Variants in ZNF385D observed in about 807,000 individuals in gnomAD.
ZNF385D encodes the protein zinc finger protein 385D, also known as zinc finger protein 659.
Under a neutral mutation model 35.8 loss-of-function variants are expected in ZNF385D, and 15 were observed. The observed-to-expected ratio is 0.42, with a 90% CI of 0.28 to 0.64. The LOEUF is 0.64. Ranked by LOEUF, ZNF385D falls within the 30% of genes least tolerant of loss-of-function variation. The pLI is 0.23. For missense variants in ZNF385D, 474 were observed against 494.6 expected (o/e 0.96, Z 0.39); for synonymous variants, 212 against 186.8 (o/e 1.13, Z -1.10).
intron 3 of ZNF385D, among the ~76,000 whole-genome samples, chr3:21,759,210 G>A (rs1216127074): frequency 3.3e-5 from 5 of 151,968 alleles, no homozygotes; most frequent in East Asian, 3.9e-4. Context: ...TTATGAAGGG[G>A]TTCAGGCAAT....
At chr3:22,276,257 A>T (rs1167651525) in intron 2 of ZNF385D, among the ~76,000 whole-genome samples, 1 of 152,132 alleles carries the variant, frequency 6.6e-6, no homozygotes. Flanking sequence ...TCAGCAAAAA[A>T]GTTCAGAATA....
At chr3:22,267,793 T>G (rs1700970986) in intron 2 of ZNF385D, among the ~76,000 whole-genome samples, 1 of 151,952 alleles carries the variant, frequency 6.6e-6, no homozygotes. Flanking sequence ...CAAATCAAGC[T>G]CTCAGTAATT....
intron 2 of ZNF385D, among the ~76,000 whole-genome samples, chr3:22,365,806 G>T (rs116002420): frequency 0.011 from 1,651 of 152,132 alleles, 27 homozygotes; most frequent in African/African-American, 0.037. Context: ...GAACCCCATA[G>T]CATCCTCTGA....
chr3:21,635,412 C>G (rs947014881), intron 2 of ZNF385D, among the ~76,000 whole-genome samples: 2 of 151,828 alleles, frequency 1.3e-5, no homozygotes, highest in African/African-American at 4.8e-5. Flanking sequence ...CAATATTGTC[C>G]CCTTTATGTA....
chr3:21,519,157 T>C (rs937395003), intron 3 of ZNF385D, among the ~76,000 whole-genome samples: 3 of 152,160 alleles, frequency 2.0e-5, no homozygotes, highest in Non-Finnish European at 4.4e-5. Flanking sequence ...ACAGGATTAC[T>C]GTGATTCTCA....
intron 3 of ZNF385D, among the ~76,000 whole-genome samples, chr3:21,826,214 T>C (rs757225710): frequency 6.6e-6 from 1 of 152,180 alleles, no homozygotes; most frequent in African/African-American, 2.4e-5. Context: ...CACTATAGAC[T>C]AAACTGTTGA....
At chr3:21,796,715 C>T (rs73040933) in intron 3 of ZNF385D, among the ~76,000 whole-genome samples, 2,406 of 152,150 alleles carry the variant, frequency 0.016, 50 homozygotes, top group Non-Finnish European at 0.021. Flanking sequence ...TTGATGATGG[C>T]CATTTTGTTG....
rs191645664 is a variant in ZNF385D, at chr3:21,647,589, T to C, written c.165+17297A>G. Reference sequence around the variant, plus strand: ...TAATTATGTAATATTGATTGCACAGTTGAATCCCTAAAATAATGATTTCAT... The same window carrying C: ...TAATTATGTAATATTGATTGCACAGCTGAATCCCTAAAATAATGATTTCAT... On this transcript the variant is annotated intron_variant, in intron 2 of 7. Coordinates refer to ENST00000281523, the MANE Select transcript of ZNF385D (RefSeq NM_024697.3). Among the ~76,000 whole-genome samples the C allele has an allele frequency of 6.5e-3, 990 of 152,284 alleles. 7 individuals carry two copies. The highest frequency in any genetic ancestry group is 0.023 in the African/African-American group (951 of 41,568).
At chr3:22,164,241 T>TTTTTTTTTTTTTTTTTTTTTTG (rs1706163472) in intron 3 of ZNF385D, among the ~76,000 whole-genome samples, 1 of 82,264 alleles carries the variant, frequency 1.2e-5, no homozygotes, top group African/African-American at 7.9e-5. Context: ...TTTTTTTTTT[T>TTTTTTTTTTTTTTTTTTTTTTG]TTTTTTGAGA....
chr3:21,881,817 C>G (rs548942979), intron 3 of ZNF385D, among the ~76,000 whole-genome samples: 2 of 151,878 alleles, frequency 1.3e-5, no homozygotes, highest in African/African-American at 2.4e-5. Flanking sequence ...TCAACATGAA[C>G]AAGAATTTGG....
intron 3 of ZNF385D, among the ~76,000 whole-genome samples, chr3:21,559,949 G>A (rs190399756): frequency 6.1e-4 from 93 of 151,978 alleles, no homozygotes; most frequent in Admixed American, 3.7e-3. Flanking sequence ...TGATCAATTC[G>A]GCTATTGATA....
chr3:22,316,356 G>C (rs1280063331), intron 2 of ZNF385D, among the ~76,000 whole-genome samples: 1 of 152,158 alleles, frequency 6.6e-6, no homozygotes, highest in African/African-American at 2.4e-5. Context: ...TCAGTGATTT[G>C]GGTTTATCTG....
At chr3:21,727,717 G>C (rs563105193) in intron 1 of ZNF385D, among the ~76,000 whole-genome samples, 7 of 152,270 alleles carry the variant, frequency 4.6e-5, no homozygotes, top group African/African-American at 1.7e-4. Context: ...CTGTTGGTGG[G>C]AGTATAAATT....
rs144367187 is a variant in ZNF385D, at chr3:22,130,542, C to A, written c.325+38275G>T. 4.8e-3 allele frequency among the ~76,000 whole-genome samples: 725 copies of A among 152,262 alleles called. 9 individuals are homozygous for A. The highest frequency in any genetic ancestry group is 0.017 in the African/African-American group (688 of 41,550). Reference sequence around the variant, plus strand: ...AATGCTTCCTCCAAGCTGGCCAAATCTGCTCCGTGTTGCTTTCTGCTGTGA... The same window carrying A: ...AATGCTTCCTCCAAGCTGGCCAAATATGCTCCGTGTTGCTTTCTGCTGTGA... On this transcript the variant is annotated intron_variant, in intron 3 of 5. Coordinates refer to the ZNF385D transcript ENST00000494108.
At chr3:21,555,187 T>G (rs2062689230) in intron 3 of ZNF385D, among the ~76,000 whole-genome samples, 1 of 152,112 alleles carries the variant, frequency 6.6e-6, no homozygotes, top group Middle Eastern at 3.2e-3. Context: ...GACTCTTTCT[T>G]TCACTTGAAC....
chr3:21,777,537 G>A (rs1483896190), intron 3 of ZNF385D: 1 of 151,900 alleles, frequency 6.6e-6, no homozygotes, highest in African/African-American at 2.4e-5. Flanking sequence ...CAGACAGAGA[G>A]AGAAGAATCA....
At chr3:21,657,870 G>T (rs1267668163) in intron 2 of ZNF385D, among the ~76,000 whole-genome samples, 1 of 152,004 alleles carries the variant, frequency 6.6e-6, no homozygotes, top group African/African-American at 2.4e-5. Flanking sequence ...CTGAGGGAAA[G>T]AAGGCATTTC....
rs1247355442 is a variant in ZNF385D, at chr3:22,124,474, T to C, written c.325+44343A>G. On this transcript the variant is annotated intron_variant, in intron 3 of 5. Transcript: ENST00000494108. The stretch of plus-strand genomic sequence containing the variant: ...GTGGTATTGCTGGATCACACAGTAG[T>C]TCTATTTTTAGTTTTTTGTGGACCT... Among the ~76,000 whole-genome samples the C allele has an allele frequency of 4.7e-5, 3 of 63,852 alleles. No homozygotes were observed. The Admixed American group carries it at 6.2e-4, about 13-fold the overall frequency. The allele number at this position is 63,852 out of a possible 152,430, so 41.9% of individuals were successfully genotyped here.
chr3:21,698,655 C>T (rs564887925), intron 1 of ZNF385D, among the ~76,000 whole-genome samples: 1 of 151,818 alleles, frequency 6.6e-6, no homozygotes, highest in Non-Finnish European at 1.5e-5. Flanking sequence ...AAAAAACAAA[C>T]AAACCCATTA....
Sources: gnomAD v4.1 joint callset for allele counts (sites outside exome capture counted in the v4.1 genomes callset) on GRCh38, gnomAD v4.1.1 for gene constraint, MANE v1.5 for transcripts, NCBI Gene and HGNC (gene_info 2026-07-23, HGNC 2026-07-21) for gene names.